Variants in SFMBT1 observed in about 807,000 individuals in gnomAD.
SFMBT1 encodes Scm like with four mbt domains 1.
In SFMBT1, 32 loss-of-function variants were observed where a neutral mutation model predicts 108.7. That is an observed-to-expected ratio of 0.29 (90% CI 0.22 to 0.40). The LOEUF is 0.40. SFMBT1 is among the 10% of genes least tolerant of loss of function. The probability of loss-of-function intolerance (pLI) is 1.00; values close to 1 mark genes in which losing one functional copy is unlikely to be tolerated. For synonymous variants in SFMBT1, 348 were observed against 369.5 expected (o/e 0.94, Z 0.67); for missense variants, 816 against 1,059.6 (o/e 0.77, Z 3.19).
chr3:52,989,018 C>T (rs530198072), intron 1 of SFMBT1, among the ~76,000 whole-genome samples: 3 of 152,246 alleles, frequency 2.0e-5, no homozygotes, highest in South Asian at 2.1e-4. Context: ...CCAAAAGTAT[C>T]TAATGTTAAA....
At chr3:52,917,450 A>G (rs886189792) in intron 13 of SFMBT1, among the ~76,000 whole-genome samples, 2 of 152,188 alleles carry the variant, frequency 1.3e-5, no homozygotes, top group Non-Finnish European at 2.9e-5. Context: ...GCCAGAAGAC[A>G]GCCATCTGCT....
At chr3:53,018,420 C>T (rs1295486307) in intron 1 of SFMBT1, among the ~76,000 whole-genome samples, 1 of 152,112 alleles carries the variant, frequency 6.6e-6, no homozygotes, top group African/African-American at 2.4e-5. Context: ...AGACACCACC[C>T]TGTTCCCATA....
At chr3:53,021,894 T>C (rs1415648542) in intron 1 of SFMBT1, among the ~76,000 whole-genome samples, 1 of 152,216 alleles carries the variant, frequency 6.6e-6, no homozygotes, top group Non-Finnish European at 1.5e-5. Context: ...CCTAGAATTC[T>C]GATGAGGTAA....
chr3:52,969,230 A>G lies in SFMBT1; in HGVS notation c.-102T>C, dbSNP rs146333153. The G allele has an allele frequency of 4.8e-4, 751 of 1,578,740 alleles. 5 individuals are homozygous for G. The African/African-American group carries it at 8.2e-3, about 17-fold the overall frequency. On this transcript the variant is annotated 5_prime_UTR_variant, in exon 2 of 21. Transcript: ENST00000394752. ...CTTGCAGGTTTCAAGCATCTGTTCA[A>G]TGGGTATCCACGGGTCCAAATGAAA... is the stretch of plus-strand genomic sequence containing the variant.
At chr3:52,980,064 T>A (rs749270149) in intron 1 of SFMBT1, among the ~76,000 whole-genome samples, 2 of 152,218 alleles carry the variant, frequency 1.3e-5, no homozygotes, top group Non-Finnish European at 2.9e-5. Context: ...TGTGAATGCA[T>A]AAAATACATG....
At chr3:52,913,330 C>G in intron 15 of SFMBT1, 148 bp downstream of exon 15, 2 of 938,626 alleles carry the variant, frequency 2.1e-6, no homozygotes, top group South Asian at 3.9e-5. Context: ...ATTACATACC[C>G]TCTTCACTGT....
At chr3:52,930,276 T>C in intron 8 of SFMBT1, 53 bp downstream of exon 8, 1 of 1,150,886 alleles carries the variant, frequency 8.7e-7, no homozygotes, top group Non-Finnish European at 1.3e-6. Context: ...ACCCATTTCC[T>C]AAACCAGTCA....
rs943134230 is a variant in SFMBT1, at chr3:52,934,878, A to G, written c.388T>C (p.Trp130Arg). Residue 130 changes from tryptophan to arginine, a missense_variant, in exon 5 of 21, where the codon TGG becomes CGG. Around this residue, in one of 5 missense-constraint regions of SFMBT1, gnomAD observed 495 missense variants for 607.4 expected, o/e 0.81. Transcript: ENST00000394752. ...AGGGTCTGCCGCAGAAACTCATCCC[A>G]GTCAGATACTTTATCTCTGATGCCT... Reference protein sequence around the residue: ...PEGIRDKVSDWDEFLRQTLIG... With the variant: ...PEGIRDKVSDRDEFLRQTLIG... 4.3e-6 allele frequency: 7 copies of G among 1,613,502 alleles called. No individual in the cohort carries two copies. Among genetic ancestry groups the G allele is most frequent in the Admixed American group, 3.3e-5 (2 of 59,960 alleles).
intron 1 of SFMBT1, among the ~76,000 whole-genome samples, chr3:52,986,724 C>A (rs1332823493): frequency 6.7e-6 from 1 of 148,438 alleles, no homozygotes; most frequent in Admixed American, 6.8e-5. Flanking sequence ...TGCAGTGAAC[C>A]GAGATCGCGC....
intron 13 of SFMBT1, 26 bp downstream of exon 13, chr3:52,918,458 A>G: frequency 6.5e-7 from 1 of 1,535,774 alleles, no homozygotes; most frequent in Middle Eastern, 1.7e-4. Context: ...TAACTTGTAA[A>G]CTGTTCATAT....
intron 4 of SFMBT1, among the ~76,000 whole-genome samples, chr3:52,941,917 G>T (rs565826995): frequency 5.7e-4 from 87 of 152,058 alleles, no homozygotes; most frequent in African/African-American, 1.9e-3. Flanking sequence ...AAAATAGAAC[G>T]AAATTATCTT....
chr3:53,017,431 T>C (rs75823347), intron 1 of SFMBT1, among the ~76,000 whole-genome samples: 2 of 152,360 alleles, frequency 1.3e-5, no homozygotes, highest in East Asian at 1.9e-4. Flanking sequence ...TGCTAGGTAC[T>C]GTTCCAGGAT....
At chr3:52,992,161 C>T (rs1051982446) in intron 1 of SFMBT1, among the ~76,000 whole-genome samples, 6 of 152,336 alleles carry the variant, frequency 3.9e-5, no homozygotes, top group Admixed American at 6.5e-5. Context: ...TGTTCATTCA[C>T]TCACACAGAG....
intron 3 of SFMBT1, among the ~76,000 whole-genome samples, chr3:52,947,809 A>C (rs1012375592): frequency 1.3e-4 from 19 of 150,382 alleles, no homozygotes; most frequent in African/African-American, 4.7e-4. Context: ...ATCTCAGCTC[A>C]CTGCAACCTC....
At chr3:52,970,368 T>G (rs986276865) in intron 1 of SFMBT1, among the ~76,000 whole-genome samples, 1 of 152,220 alleles carries the variant, frequency 6.6e-6, no homozygotes, top group Non-Finnish European at 1.5e-5. Context: ...AATGGAACCA[T>G]ATGAAATGTG....
At chr3:52,968,986 C>A in intron 2 of SFMBT1, 115 bp downstream of exon 2, 2 of 1,258,636 alleles carry the variant, frequency 1.6e-6, no homozygotes, top group Non-Finnish European at 2.3e-6. Context: ...CAATGAAAAA[C>A]AACTTAAGAC....
intron 1 of SFMBT1, among the ~76,000 whole-genome samples, chr3:53,032,032 G>A (rs1699703746): frequency 6.6e-6 from 1 of 152,198 alleles, no homozygotes; most frequent in Non-Finnish European, 1.5e-5. Flanking sequence ...AGGCTTTGCT[G>A]AGCTGAACCC....
chr3:52,948,691 G>A (rs183912706), intron 3 of SFMBT1, among the ~76,000 whole-genome samples: 47 of 150,574 alleles, frequency 3.1e-4, no homozygotes, highest in African/African-American at 9.7e-4. Context: ...TCATTCTGCC[G>A]CCCAGGCTGA....
At chr3:52,986,813 G>A (rs973475105) in intron 1 of SFMBT1, among the ~76,000 whole-genome samples, 2 of 150,972 alleles carry the variant, frequency 1.3e-5, no homozygotes, top group Non-Finnish European at 2.9e-5. Context: ...GGTGGCGAGT[G>A]CCTGTAATAC....
Sources: allele counts gnomAD v4.1 joint callset (sites outside exome capture counted in the v4.1 genomes callset), GRCh38; gene constraint gnomAD v4.1.1; regional missense constraint gnomAD v4.1.1; transcripts MANE v1.5; gene names NCBI Gene and HGNC (gene_info 2026-07-23, HGNC 2026-07-21).